FBP2: variants seen among roughly 807,000 people sequenced by gnomAD.
FBP2 encodes the protein fructose-bisphosphatase 2, also known as fructose-1,6-bisphosphatase isozyme 2.
FBP2 carries 27 observed loss-of-function variants against 31.6 expected under a neutral mutation model. The observed-to-expected ratio is 0.85, with a 90% CI of 0.63 to 1.18. The LOEUF is 1.18. Ranked by LOEUF, FBP2 falls within the 50% of genes most tolerant of loss-of-function variation. The pLI is 0.00. For synonymous variants in FBP2, 168 were observed against 179.8 expected (o/e 0.93, Z 0.53); for missense variants, 421 against 436.1 (o/e 0.97, Z 0.31).
intron 3 of FBP2, among the ~76,000 whole-genome samples, chr9:94,584,134 G>C (rs1048017997): frequency 6.6e-6 from 1 of 152,176 alleles, no homozygotes; most frequent in Non-Finnish European, 1.5e-5. Context: ...CAGGGGTTCA[G>C]ATTTCAAATA....
chr9:94,562,991 C>A (rs1193417726), intron 6 of FBP2, among the ~76,000 whole-genome samples: 1 of 152,204 alleles, frequency 6.6e-6, no homozygotes, highest in East Asian at 1.9e-4. Context: ...TTTTATTAGG[C>A]TCCCTATAGG....
chr9:94,570,936 A>T (rs1338308963), intron 4 of FBP2: 1 of 152,234 alleles, frequency 6.6e-6, no homozygotes, highest in African/African-American at 2.4e-5. Context: ...CAAAAACTTA[A>T]ATACTTAACC....
At chr9:94,577,971 T>C (rs1003082543) in intron 3 of FBP2, among the ~76,000 whole-genome samples, 2 of 152,334 alleles carry the variant, frequency 1.3e-5, no homozygotes, top group African/African-American at 4.8e-5. Flanking sequence ...TGAGTACACA[T>C]AAATTAAGTT....
chr9:94,584,869 A>C (rs927528622), intron 2 of FBP2, among the ~76,000 whole-genome samples, 200 bp from the exon 3 acceptor site: 1 of 152,162 alleles, frequency 6.6e-6, no homozygotes, highest in Non-Finnish European at 1.5e-5. Context: ...TTTTGTATCC[A>C]TCTCACCTGT....
intron 1 of FBP2, among the ~76,000 whole-genome samples, chr9:94,590,119 C>T (rs1447866874): frequency 6.6e-6 from 1 of 152,140 alleles, no homozygotes. Context: ...CACCCCTCCT[C>T]CTAGAAAGAA....
In FBP2 at chr9:94,559,122, A is replaced by G. The variant is rs72743247; in HGVS notation, c.836T>C (p.Leu279Pro). ...QKSPKGKLRLLYECNPVAYII... is the reference protein window; with the variant it reads ...QKSPKGKLRLPYECNPVAYII... ...GTAGGCCACGGGATTGCATTCATAC[A>G]GGAGCCGGAGCTGTGGAGGAACAGA... Residue 279 changes from leucine (L) to proline (P), a missense_variant, in exon 7 of 7, where the codon CTG becomes CCG. Coordinates refer to ENST00000375337, the MANE Select transcript of FBP2 (RefSeq NM_003837.4). 14,416 of 1,611,416 alleles carry G rather than the reference A, an allele frequency of 8.9e-3. 83 individuals are homozygous for G. The highest frequency in any genetic ancestry group is 0.012 in the Non-Finnish European group (13,661 of 1,178,554).
intron 3 of FBP2, among the ~76,000 whole-genome samples, chr9:94,575,262 G>A (rs1827305430): frequency 6.6e-6 from 1 of 152,076 alleles, no homozygotes; most frequent in Admixed American, 6.6e-5. Context: ...GCCTAGTGAA[G>A]CCAGGCCTAG....
At chr9:94,579,050 C>CAAAAAA (rs55778806) in intron 3 of FBP2, among the ~76,000 whole-genome samples, 15,748 of 30,302 alleles carry the variant, frequency 0.52, 5,263 homozygotes, top group Middle Eastern at 0.57. Flanking sequence ...GAGACTCTGT[C>CAAAAAA]AAAAAAAAAA....
chr9:94,579,136 T>C (rs1300120999), intron 3 of FBP2, among the ~76,000 whole-genome samples: 1 of 145,264 alleles, frequency 6.9e-6, no homozygotes, highest in Admixed American at 6.9e-5. Flanking sequence ...CGGTGGCTTA[T>C]GCCTGTAATC....
intron 4 of FBP2, 22 bp from the exon 5 acceptor site, chr9:94,567,429 C>A (rs1259694580): frequency 6.2e-7 from 1 of 1,607,310 alleles, no homozygotes; most frequent in South Asian, 1.1e-5. Context: ...AAGAGAGATG[C>A]CAGGAAGAAG....
intron 4 of FBP2, chr9:94,570,292 G>A (rs1018363252): frequency 4.6e-5 from 7 of 152,190 alleles, no homozygotes; most frequent in Non-Finnish European, 7.3e-5. Flanking sequence ...AGTTGTGTTG[G>A]AAATTTAGTG....
chr9:94,592,826 C>T (rs1026790169), intron 1 of FBP2, among the ~76,000 whole-genome samples: 1 of 152,288 alleles, frequency 6.6e-6, no homozygotes, highest in South Asian at 2.1e-4. Flanking sequence ...AGCCACCGTG[C>T]CTGGCCACCG....
intron 3 of FBP2, 126 bp from the exon 4 acceptor site, chr9:94,571,728 C>G (rs541273628): frequency 3.6e-6 from 3 of 843,834 alleles, no homozygotes; most frequent in East Asian, 2.8e-5. Context: ...TTTTAAGCTG[C>G]TGCAAATCCA....
intron 6 of FBP2, 89 bp downstream of exon 6, chr9:94,563,253 C>T: frequency 1.4e-6 from 2 of 1,426,360 alleles, no homozygotes; most frequent in Admixed American, 2.1e-5. Flanking sequence ...TGCCATGAAG[C>T]AGTGCAGTAG....
intron 1 of FBP2, among the ~76,000 whole-genome samples, chr9:94,592,192 G>T (rs1034802964): frequency 6.6e-6 from 1 of 152,288 alleles, no homozygotes. Context: ...AATGCAGAGC[G>T]TGGCTGTTAT....
At chr9:94,584,887 G>A (rs758548121) in intron 2 of FBP2, among the ~76,000 whole-genome samples, 29 of 152,124 alleles carry the variant, frequency 1.9e-4, no homozygotes, top group South Asian at 4.1e-4. Context: ...TGTCTGATGC[G>A]AAGACCAGAA....
chr9:94,585,587 AAC>A (rs951282272), intron 2 of FBP2, among the ~76,000 whole-genome samples: 47 of 152,260 alleles, frequency 3.1e-4, no homozygotes, highest in African/African-American at 1.1e-3. Flanking sequence ...GGAATGAAGA[AAC>A]ACACAGAGAC....
At chr9:94,591,192 G>C (rs145876367) in intron 1 of FBP2, among the ~76,000 whole-genome samples, 1 of 152,252 alleles carries the variant, frequency 6.6e-6, no homozygotes, top group Non-Finnish European at 1.5e-5. Flanking sequence ...TGTGGAGCGG[G>C]GGGTGGCGCT....
At chr9:94,587,503 T>C (rs1237006915) in intron 1 of FBP2, 34 bp from the exon 2 acceptor site, 4 of 1,608,086 alleles carry the variant, frequency 2.5e-6, no homozygotes, top group Non-Finnish European at 3.4e-6. Context: ...AGGAAGTCAC[T>C]AGGGGGTCTT....
Sources: gnomAD v4.1 joint callset for allele counts (sites outside exome capture counted in the v4.1 genomes callset) on GRCh38, gnomAD v4.1.1 for gene constraint, MANE v1.5 for transcripts, NCBI Gene and HGNC (gene_info 2026-07-23, HGNC 2026-07-21) for gene names.